MYPN: variants seen among roughly 807,000 people sequenced by gnomAD.
The protein encoded by MYPN is myopalladin.
A neutral mutation model predicts 129.4 loss-of-function variants in MYPN; 63 were observed. The ratio of observed to expected loss-of-function variants is 0.49; its 90% confidence interval spans 0.40 to 0.60. The LOEUF (loss-of-function observed/expected upper bound fraction) is 0.60, where lower values mean the gene tolerates loss of function less well. MYPN is among the 20% of genes least tolerant of loss of function. The probability of loss-of-function intolerance (pLI) is 0.00; values close to 1 mark genes in which losing one functional copy is unlikely to be tolerated. For missense variants in MYPN, 1,596 were observed against 1,635.4 expected, an observed-to-expected ratio of 0.98 and a Z score of 0.42; for synonymous variants, 629 against 600.9, an observed-to-expected ratio of 1.05 and a Z score of -0.68.
chr10:68,181,114 G>A (rs1023001254), intron 12 of MYPN, among the ~76,000 whole-genome samples: 3 of 151,904 alleles, frequency 2.0e-5, no homozygotes, highest in African/African-American at 7.3e-5. Flanking sequence ...GAGTGTAGAC[G>A]TCATCTATGA....
At chr10:68,198,386 T>C (rs563805305) in intron 16 of MYPN, among the ~76,000 whole-genome samples, 1 of 152,290 alleles carries the variant, frequency 6.6e-6, no homozygotes, top group South Asian at 2.1e-4. Context: ...TTGACCGGGC[T>C]CTAGTTGAGC....
At chr10:68,157,665 C>G (rs2042899311) in intron 6 of MYPN, among the ~76,000 whole-genome samples, 2 of 84,584 alleles carry the variant, frequency 2.4e-5, no homozygotes, top group South Asian at 9.1e-4. Context: ...AAAACCCTGT[C>G]TCTACAAAAA....
In MYPN at chr10:68,195,548, AT is replaced by A; in HGVS notation, c.3158+18del. On this transcript the variant is annotated intron_variant, in intron 15 of 19. Coordinates refer to ENST00000358913, the MANE Select transcript of MYPN (RefSeq NM_032578.4). ...AGTCTCACAGGTAAAGACAGTAAGA[AT>A]TCCCCCTCTCTAGGCCCTTCCCAAG... 6.2e-7 allele frequency: 1 copy of A among 1,603,878 alleles called. No homozygotes were observed.
chr10:68,139,875 C>G (rs1337019864), intron 2 of MYPN, among the ~76,000 whole-genome samples: 4 of 152,220 alleles, frequency 2.6e-5, no homozygotes, highest in Non-Finnish European at 5.9e-5. Flanking sequence ...GTGAATAAGA[C>G]CAATACGGTC....
intron 6 of MYPN, among the ~76,000 whole-genome samples, chr10:68,152,166 G>A (rs1360937803): frequency 6.6e-6 from 1 of 152,218 alleles, no homozygotes; most frequent in Non-Finnish European, 1.5e-5. Context: ...ATAAGGGGTT[G>A]TAGAGACCAA....
chr10:68,177,435 A>G (rs10997979), intron 12 of MYPN, among the ~76,000 whole-genome samples: 63,105 of 152,074 alleles, frequency 0.41, 13,820 homozygotes, highest in Non-Finnish European at 0.49. Context: ...TCCAAGCTGC[A>G]TAAATGAAAT....
intron 2 of MYPN, among the ~76,000 whole-genome samples, chr10:68,140,535 T>C (rs1229243340): frequency 1.3e-5 from 2 of 151,262 alleles, no homozygotes; most frequent in Non-Finnish European, 2.9e-5. Context: ...AGTTAGAAAA[T>C]GTAACAATCA....
intron 16 of MYPN, among the ~76,000 whole-genome samples, chr10:68,198,290 G>C (rs990301698): frequency 6.6e-6 from 1 of 152,094 alleles, no homozygotes; most frequent in African/African-American, 2.4e-5. Flanking sequence ...ATGAAAATAT[G>C]GCTCCAAGGT....
intron 4 of MYPN, among the ~76,000 whole-genome samples, chr10:68,146,349 T>A (rs2042666719): frequency 6.6e-6 from 1 of 152,216 alleles, no homozygotes; most frequent in African/African-American, 2.4e-5. Context: ...AAACCCAGTC[T>A]AAATGTTCTT....
intron 18 of MYPN, among the ~76,000 whole-genome samples, chr10:68,204,660 C>T (rs1347029214): frequency 1.4e-5 from 2 of 138,988 alleles, no homozygotes; most frequent in Admixed American, 1.6e-4. Flanking sequence ...AGAGGTTGCA[C>T]TGAGCTGAGA....
At chr10:68,131,440 G>A (rs1336498047) in intron 2 of MYPN, among the ~76,000 whole-genome samples, 1 of 146,620 alleles carries the variant, frequency 6.8e-6, no homozygotes, top group East Asian at 2.1e-4. Flanking sequence ...TTTTGGAATT[G>A]CATTGAATCT....
rs1366474190 is a variant in MYPN at position 68,199,553 on chromosome 10, T to C, written c.3471T>C (p.Phe1157=). 4.3e-6 allele frequency: 7 copies of C among 1,612,466 alleles called. No homozygotes were observed. The highest frequency in any genetic ancestry group is 4.0e-5 in the African/African-American group (3 of 74,550). The change falls in exon 17 of 20, where the codon TTT becomes TTC. Residue 1157 remains phenylalanine, a synonymous_variant. Transcript: ENST00000358913. ...IATNKTGQNS[F]SLELSVVAKE... Reference sequence around the variant, plus strand: ...CCAACAAAACCGGGCAGAATTCTTTTAGTCTGGAGCTCTCTGTAGTAGGTA... The same window carrying C: ...CCAACAAAACCGGGCAGAATTCTTTCAGTCTGGAGCTCTCTGTAGTAGGTA...
chr10:68,203,423 T>TA (rs201610459), intron 18 of MYPN, among the ~76,000 whole-genome samples: 23,515 of 145,790 alleles, frequency 0.16, 2,337 homozygotes, highest in Middle Eastern at 0.24. Context: ...ACCCCATCTC[T>TA]AAAAAAAAAA....
chr10:68,133,870 C>T (rs1349731223), intron 2 of MYPN, among the ~76,000 whole-genome samples: 1 of 151,400 alleles, frequency 6.6e-6, no homozygotes, highest in African/African-American at 2.4e-5. Context: ...GTACACAGTA[C>T]ATGCCTACCT....
chr10:68,210,512 A>G lies in MYPN; in HGVS notation c.*57A>G, dbSNP rs759180177. On this transcript the variant is annotated 3_prime_UTR_variant, in exon 20 of 20. Coordinates refer to ENST00000358913, the MANE Select transcript of MYPN (RefSeq NM_032578.4). ...GGACTGTGGAGGGGGAATGAGAACAAGCCAGACTTGGTGGTTTCCAAGCAA... is the reference window on the plus strand; with the variant it reads ...GGACTGTGGAGGGGGAATGAGAACAGGCCAGACTTGGTGGTTTCCAAGCAA... The G allele has an allele frequency of 6.2e-7, 1 of 1,603,672 alleles. No homozygotes were observed.
At chr10:68,122,456 G>GTA in intron 2 of MYPN, 116 bp downstream of exon 2, 1 of 1,080,504 alleles carries the variant, frequency 9.3e-7, no homozygotes, top group South Asian at 1.3e-5. Flanking sequence ...TTTGAGAAAA[G>GTA]TAGTCGGTAT....
intron 12 of MYPN, among the ~76,000 whole-genome samples, chr10:68,185,209 G>A (rs2043401933): frequency 1.4e-5 from 2 of 146,338 alleles, no homozygotes; most frequent in Admixed American, 1.4e-4. Flanking sequence ...AAGGGAGGAA[G>A]GGAAGAAGTG....
chr10:68,092,670 G>A (rs1464005507), intron 1 of MYPN, among the ~76,000 whole-genome samples: 2 of 152,118 alleles, frequency 1.3e-5, no homozygotes. Flanking sequence ...TAGGAGTGCT[G>A]TATGATGCTT....
chr10:68,138,307 G>C (rs779977515), intron 2 of MYPN, among the ~76,000 whole-genome samples: 105 of 151,758 alleles, frequency 6.9e-4, no homozygotes, highest in Admixed American at 2.6e-3. Flanking sequence ...TCTCCCTGTT[G>C]GTCAGGCTGG....
Sources: gnomAD v4.1 joint callset for allele counts (sites outside exome capture counted in the v4.1 genomes callset) on GRCh38, gnomAD v4.1.1 for gene constraint, MANE v1.5 for transcripts, NCBI Gene and HGNC (gene_info 2026-07-23, HGNC 2026-07-21) for gene names.